Variants in SLC44A5 observed in about 807,000 individuals in gnomAD.
SLC44A5 encodes solute carrier family 44 member 5, also known as choline transporter-like protein 5.
A neutral mutation model predicts 101.8 loss-of-function variants in SLC44A5; 57 were observed. The ratio of observed to expected loss-of-function variants is 0.56; its 90% CI spans 0.45 to 0.70. The LOEUF (loss-of-function observed/expected upper bound fraction) is 0.70. Among genes scored for constraint, SLC44A5 ranks in the 30% least tolerant of loss-of-function variants. The pLI, the probability that SLC44A5 is intolerant of heterozygous loss-of-function variation, is 0.00. For missense variants in SLC44A5, 737 were observed against 853.1 expected, an observed-to-expected ratio of 0.86 and a Z score of 1.70; for synonymous variants, 281 against 290.9, an observed-to-expected ratio of 0.97 and a Z score of 0.35.
intron 4 of SLC44A5, among the ~76,000 whole-genome samples, chr1:75,338,989 AT>A (rs1488732935): frequency 6.6e-6 from 1 of 152,226 alleles, no homozygotes; most frequent in Non-Finnish European, 1.5e-5. Context: ...GCTAAAATAA[AT>A]AATAAGAGGA....
At chr1:75,644,202 A>G in the SLC44A5 span, among the ~76,000 whole-genome samples, 1 of 152,188 alleles carries the variant, frequency 6.6e-6, no homozygotes, top group Non-Finnish European at 1.5e-5. Flanking sequence ...AGTAAAAAAA[A>G]TTTAGCATAT....
At chr1:75,695,114 CTTAAT>C in the SLC44A5 span, among the ~76,000 whole-genome samples, 2 of 152,286 alleles carry the variant, frequency 1.3e-5, no homozygotes, top group Non-Finnish European at 2.9e-5. Flanking sequence ...CTTTTTTACA[CTTAAT>C]TTATGTCACC....
intron 2 of SLC44A5, among the ~76,000 whole-genome samples, chr1:75,482,618 C>T (rs2101782595): frequency 6.6e-6 from 1 of 152,124 alleles, no homozygotes; most frequent in Non-Finnish European, 1.5e-5. Flanking sequence ...CACTAAAATT[C>T]CTTCTTGCTC....
chr1:75,581,090 T>C (rs1557930682), intron 1 of SLC44A5, among the ~76,000 whole-genome samples: 1 of 152,214 alleles, frequency 6.6e-6, no homozygotes, highest in Non-Finnish European at 1.5e-5. Context: ...TACTCCATTT[T>C]GTCCATTTAA....
the SLC44A5 span, among the ~76,000 whole-genome samples, chr1:75,660,990 T>C: frequency 6.6e-6 from 1 of 152,074 alleles, no homozygotes; most frequent in Non-Finnish European, 1.5e-5. Context: ...AAAACAATCC[T>C]AAAATCTGTA....
intron 5 of SLC44A5, among the ~76,000 whole-genome samples, chr1:75,276,143 A>T (rs917225915): frequency 1.3e-5 from 2 of 152,082 alleles, no homozygotes; most frequent in Non-Finnish European, 2.9e-5. Context: ...CCTTTGTCTA[A>T]TTCTTTCTCC....
intron 2 of SLC44A5, among the ~76,000 whole-genome samples, chr1:75,526,062 CT>C (rs1670391293): frequency 6.6e-6 from 1 of 152,148 alleles, no homozygotes; most frequent in Non-Finnish European, 1.5e-5. Context: ...CAGAGTTAAC[CT>C]TTGTCTTTGT....
the SLC44A5 span, among the ~76,000 whole-genome samples, chr1:75,667,943 T>C: frequency 2.0e-5 from 3 of 152,218 alleles, no homozygotes; most frequent in East Asian, 1.9e-4. Context: ...AAGCAGAAGA[T>C]AGCAAGCATG....
intron 5 of SLC44A5, among the ~76,000 whole-genome samples, chr1:75,287,127 TG>T (rs1653119108): frequency 6.6e-6 from 1 of 152,074 alleles, no homozygotes; most frequent in Non-Finnish European, 1.5e-5. Context: ...TTGGAGGCTT[TG>T]TTTTTTTTTA....
At chr1:75,547,598 C>T (rs1455830245) in intron 1 of SLC44A5, among the ~76,000 whole-genome samples, 1 of 152,160 alleles carries the variant, frequency 6.6e-6, no homozygotes, top group African/African-American at 2.4e-5. Context: ...AGACATTTTG[C>T]TTTTTGAGTC....
At chr1:75,348,864 A>C (rs1658438113) in intron 3 of SLC44A5, among the ~76,000 whole-genome samples, 1 of 152,264 alleles carries the variant, frequency 6.6e-6, no homozygotes, top group Non-Finnish European at 1.5e-5. Context: ...CTATAAAGTT[A>C]CCTAGTAGAT....
intron 2 of SLC44A5, among the ~76,000 whole-genome samples, chr1:75,493,328 C>G (rs554860160): frequency 2.4e-4 from 36 of 152,226 alleles, no homozygotes; most frequent in Non-Finnish European, 3.4e-4. Flanking sequence ...GGTATTTAAC[C>G]TTTACATGTC....
Position 75,611,093 on chromosome 1 carries a change from T to C in SLC44A5, c.-123A>G. The C allele has an allele frequency of 2.0e-6, 2 of 985,282 alleles. No homozygotes were observed. The highest frequency in any genetic ancestry group is 9.4e-5 in the South Asian group (2 of 21,286). 61.0% of individuals were successfully genotyped at this position (985,282 alleles called of 1,614,324 possible). The stretch of plus-strand genomic sequence containing the variant: ...CCATCAACACTGAACCTTCTAACTC[T>C]AACATGCTACGATTCACTACTGTGA... On this transcript the variant is annotated 5_prime_UTR_variant, in exon 1 of 24. Transcript: ENST00000370859.
intron 4 of SLC44A5, among the ~76,000 whole-genome samples, chr1:75,324,235 A>G (rs1656400703): frequency 6.6e-6 from 1 of 152,260 alleles, no homozygotes; most frequent in Admixed American, 6.5e-5. Flanking sequence ...TCTGAAAGAC[A>G]TAATGAGGCA....
intron 1 of SLC44A5, among the ~76,000 whole-genome samples, chr1:75,561,014 G>A (rs211701): frequency 0.96 from 145,868 of 152,204 alleles, 69,928 homozygotes; most frequent in East Asian, 0.98. Context: ...ACTACTTCTC[G>A]CCAAGACTCC....
chr1:75,414,954 A>T (rs1048796777), intron 2 of SLC44A5, among the ~76,000 whole-genome samples: 1 of 152,176 alleles, frequency 6.6e-6, no homozygotes. Flanking sequence ...CATGAAAAAA[A>T]TTGTATTTCT....
At chr1:75,683,019 T>C in the SLC44A5 span, among the ~76,000 whole-genome samples, 45 of 152,190 alleles carry the variant, frequency 3.0e-4, no homozygotes, top group African/African-American at 9.9e-4. Context: ...TCACCATCAC[T>C]GGCCATCAGA....
intron 1 of SLC44A5, among the ~76,000 whole-genome samples, chr1:75,544,141 G>T (rs1671513907): frequency 6.6e-6 from 1 of 152,146 alleles, no homozygotes. Context: ...CTGCTGTTAT[G>T]AATGAATTAA....
intron 2 of SLC44A5, among the ~76,000 whole-genome samples, chr1:75,536,046 A>G (rs1303561663): frequency 8.4e-6 from 1 of 119,724 alleles, no homozygotes; most frequent in East Asian, 2.2e-4. Flanking sequence ...TCGTCTCTTG[A>G]AAAAAAAAAA....
Sources: gnomAD v4.1 joint callset for allele counts (sites outside exome capture counted in the v4.1 genomes callset) on GRCh38, gnomAD v4.1.1 for gene constraint, MANE v1.5 for transcripts, NCBI Gene and HGNC (gene_info 2026-07-23, HGNC 2026-07-21) for gene names.